FGF1: variants seen among roughly 807,000 people sequenced by gnomAD.
FGF1 encodes the protein beta-endothelial cell growth factor.
FGF1 carries 9 observed loss-of-function variants against 13.4 expected under a neutral mutation model. The ratio of observed to expected loss-of-function variants is 0.67; its 90% CI spans 0.40 to 1.17. The LOEUF (loss-of-function observed/expected upper bound fraction) is 1.17. Among genes scored for constraint, FGF1 ranks in the 50% most tolerant of loss-of-function variants. The probability of loss-of-function intolerance (pLI) is 0.01; values close to 1 mark genes in which losing one functional copy is unlikely to be tolerated. For missense variants in FGF1, 156 were observed against 192.7 expected (o/e 0.81, Z 1.13); for synonymous variants, 93 against 79.0 (o/e 1.18, Z -0.94).
At chr5:142,597,162 T>C (rs1358890704) in intron 3 of FGF1, among the ~76,000 whole-genome samples, 3 of 152,212 alleles carry the variant, frequency 2.0e-5, no homozygotes, top group Admixed American at 6.5e-5. Flanking sequence ...GCGAGAAAAA[T>C]TAGTGGAAAC....
rs369483791 is a variant in FGF1 at position 142,593,511 on chromosome 5, A to G, written c.*1779T>C. On this transcript the variant is annotated 3_prime_UTR_variant, in exon 4 of 4. Coordinates refer to ENST00000337706, the MANE Select transcript of FGF1 (RefSeq NM_000800.5). ...AATATGACAGTTCAGTTACTAAGGA[A>G]TTGTTTTTAGTTAACAATTACTTCA... 6.6e-6 allele frequency: 1 copy of G among 152,342 alleles called. No homozygotes were observed. Among genetic ancestry groups the G allele is most frequent in the East Asian group, 1.9e-4 (1 of 5,194 alleles). 9.4% of individuals were successfully genotyped at this position (152,342 alleles called of 1,614,324 possible).
chr5:142,692,660 G>GACACACACACACACACGCACACACGCAC lies in FGF1; in HGVS notation c.-35+4934_-35+4961dup, dbSNP rs1554096619. Reference sequence around the variant, plus strand: ...CAAGATCTATAGCTCTATTCCCCAGGACACACACACACACACGCACACACG... The same window carrying GACACACACACACACACGCACACACGCAC: ...CAAGATCTATAGCTCTATTCCCCAGGACACACACACACACACGCACACACGCACACACACACACACACACGCACACACG... On this transcript the variant is annotated intron_variant, in intron 2 of 4. Transcript: ENST00000407758. 2.4e-3 allele frequency among the ~76,000 whole-genome samples: 349 copies of GACACACACACACACACGCACACACGCAC among 145,734 alleles called. 1 individual carries two copies. Among genetic ancestry groups the GACACACACACACACACGCACACACGCAC allele is most frequent in the African/African-American group, 8.5e-3 (329 of 38,906 alleles).
intron 1 of FGF1, among the ~76,000 whole-genome samples, chr5:142,617,555 C>T (rs1039689466): frequency 2.6e-5 from 4 of 152,104 alleles, no homozygotes; most frequent in African/African-American, 9.7e-5. Flanking sequence ...CTGCTCTCTG[C>T]CTGATCCCCT....
chr5:142,694,820 A>G (rs1370845113), intron 2 of FGF1, among the ~76,000 whole-genome samples: 1 of 151,942 alleles, frequency 6.6e-6, no homozygotes, highest in African/African-American at 2.4e-5. Context: ...TTTTTGTGAA[A>G]TCCCTGACAT....
At chr5:142,634,934 G>A (rs1016890951) in intron 1 of FGF1, among the ~76,000 whole-genome samples, 2 of 151,432 alleles carry the variant, frequency 1.3e-5, no homozygotes, top group Non-Finnish European at 2.9e-5. Context: ...TGAGTAATTA[G>A]CCAGAACAGG....
At chr5:142,610,690 A>C (rs1350761927) in intron 2 of FGF1, among the ~76,000 whole-genome samples, 1 of 152,198 alleles carries the variant, frequency 6.6e-6, no homozygotes, top group African/African-American at 2.4e-5. Flanking sequence ...TTCACAGTCC[A>C]TATTGGTAAT....
At position 142,592,510 on chromosome 5, in the gene FGF1, G is replaced by A. The variant is rs995968664; in HGVS notation, c.*2780C>T. 1.4e-4 allele frequency: 54 copies of A among 398,364 alleles called. No individual in the cohort carries two copies. Among genetic ancestry groups the A allele is most frequent in the Middle Eastern group, 1.3e-3 (2 of 1,586 alleles). 24.7% of individuals were successfully genotyped at this position (398,364 alleles called of 1,614,324 possible). On this transcript the variant is annotated 3_prime_UTR_variant, in exon 4 of 4. Coordinates refer to ENST00000337706, the MANE Select transcript of FGF1 (RefSeq NM_000800.5). Reference sequence around the variant, plus strand: ...ATTGCAAACGACCAAAAGCACATATGTTCATGATGCTTTGTTCAGAGCTGG... The same window carrying A: ...ATTGCAAACGACCAAAAGCACATATATTCATGATGCTTTGTTCAGAGCTGG...
intron 3 of FGF1, among the ~76,000 whole-genome samples, chr5:142,596,677 T>C (rs541913460): frequency 3.4e-5 from 5 of 148,742 alleles, no homozygotes; most frequent in African/African-American, 1.3e-4. Context: ...CCCAGGAGTT[T>C]GAGGCTGTAG....
chr5:142,642,483 C>T (rs1220926206), intron 1 of FGF1, among the ~76,000 whole-genome samples: 1 of 152,180 alleles, frequency 6.6e-6, no homozygotes, highest in Non-Finnish European at 1.5e-5. Flanking sequence ...ACTTGACTGG[C>T]CACTGACTCC....
intron 1 of FGF1, among the ~76,000 whole-genome samples, chr5:142,621,781 T>G (rs1322488408): frequency 6.6e-6 from 1 of 152,256 alleles, no homozygotes; most frequent in Non-Finnish European, 1.5e-5. Context: ...CCCTCCAAAC[T>G]TGCCTTCCAT....
At chr5:142,672,473 G>A (rs980325040) in intron 1 of FGF1, among the ~76,000 whole-genome samples, 8 of 149,064 alleles carry the variant, frequency 5.4e-5, no homozygotes, top group Non-Finnish European at 1.0e-4. Context: ...CGTTTTGGAT[G>A]CTCTCCTTCA....
At chr5:142,684,829 C>T (rs749994574) in intron 1 of FGF1, among the ~76,000 whole-genome samples, 25 of 152,260 alleles carry the variant, frequency 1.6e-4, no homozygotes, top group Middle Eastern at 3.4e-3. Context: ...CGCCCTCAGC[C>T]GGGATGCTCA....
chr5:142,689,493 C>T (rs1476854387), upstream of FGF1, among the ~76,000 whole-genome samples: 1 of 152,086 alleles, frequency 6.6e-6, no homozygotes, highest in Non-Finnish European at 1.5e-5. Context: ...AAGCTGAGTC[C>T]AATGACCCTC....
Position 142,592,431 on chromosome 5 carries a change from A to G in FGF1, c.*2859T>C, listed in dbSNP as rs910239801. The G allele has an allele frequency of 1.0e-5, 4 of 398,446 alleles. No homozygotes were observed. Among genetic ancestry groups the G allele is most frequent in the African/African-American group, 8.2e-5 (4 of 48,624 alleles). The allele number at this position is 398,446 out of a possible 1,614,324, so 24.7% of individuals were successfully genotyped here. ...TCATACACACTGTTGGCCATTGTGA[A>G]TCTTTCTTATCATGCCTTCCAAGGA... On this transcript the variant is annotated 3_prime_UTR_variant, in exon 4 of 4. Transcript: ENST00000337706.
chr5:142,651,589 T>C (rs942456522), intron 1 of FGF1, among the ~76,000 whole-genome samples: 1 of 152,180 alleles, frequency 6.6e-6, no homozygotes, highest in African/African-American at 2.4e-5. Context: ...ATATCTACCA[T>C]TATCGTTTCC....
chr5:142,686,000 G>T lies in FGF1; in HGVS notation c.-78C>A, dbSNP rs183414119. On this transcript the variant is annotated 5_prime_UTR_variant, in exon 1 of 4. Coordinates refer to ENST00000337706, the MANE Select transcript of FGF1 (RefSeq NM_000800.5). ...GAGGGCTGTACCTCTCTCCACACTC[G>T]CTCAGTGCTGTCCCAGGGGAAGCAG... The T allele has an allele frequency of 1.3e-5, 2 of 151,942 alleles. No homozygotes were observed. The highest frequency in any genetic ancestry group is 2.4e-5 in the African/African-American group (1 of 41,326). The allele number at this position is 151,942 out of a possible 1,614,324, so 9.4% of individuals were successfully genotyped here.
intron 2 of FGF1, chr5:142,601,008 T>C: frequency 1.6e-6 from 1 of 632,000 alleles, no homozygotes; most frequent in Admixed American, 2.1e-5. Flanking sequence ...GGGAATTACG[T>C]CCTTGGGAAA....
chr5:142,630,379 C>A (rs181776140), intron 1 of FGF1, among the ~76,000 whole-genome samples: 19 of 152,242 alleles, frequency 1.2e-4, no homozygotes, highest in African/African-American at 4.1e-4. Flanking sequence ...ACAGCAGGTC[C>A]AATTCACGAG....
intron 1 of FGF1, among the ~76,000 whole-genome samples, chr5:142,655,167 G>A (rs190381831): frequency 6.6e-6 from 1 of 152,346 alleles, no homozygotes; most frequent in African/African-American, 2.4e-5. Context: ...GTTCAACGTG[G>A]TAATAGCAGC....
Sources: allele counts gnomAD v4.1 joint callset (sites outside exome capture counted in the v4.1 genomes callset), GRCh38; gene constraint gnomAD v4.1.1; transcripts MANE v1.5; gene names NCBI Gene and HGNC (gene_info 2026-07-23, HGNC 2026-07-21).